The following BMP1 variants were observed in gnomAD, a reference collection of about 807,000 sequenced individuals.
BMP1 encodes bone morphogenetic protein 1, also known as mammalian tolloid protein.
A neutral mutation model predicts 116.8 loss-of-function variants in BMP1; 63 were observed. The ratio of observed to expected loss-of-function variants is 0.54; its 90% confidence interval spans 0.44 to 0.67. The LOEUF is 0.67. Ranked by LOEUF, BMP1 falls within the 30% of genes least tolerant of loss-of-function variation. BMP1 has a pLI of 0.00. For missense variants in BMP1, 1,183 were observed against 1,358.9 expected (o/e 0.87, Z 2.04); for synonymous variants, 536 against 533.4 (o/e 1.00, Z -0.07).
intron 14 of BMP1, 106 bp downstream of exon 14, chr8:22,196,946 C>A: frequency 7.2e-7 from 1 of 1,383,004 alleles, no homozygotes; most frequent in Non-Finnish European, 9.7e-7. Context: ...CAGAAACACT[C>A]TGCAAATATC....
In BMP1 at chr8:22,180,385, C is replaced by T. The variant is rs1828580121; in HGVS notation, c.979C>T (p.Gln327Ter). The T allele has an allele frequency of 6.2e-7, 1 of 1,613,698 alleles. No individual in the cohort carries two copies. The highest frequency in any genetic ancestry group is 1.3e-5 in the African/African-American group (1 of 74,906). Residue 327 changes from glutamine to a stop codon, truncating the protein, a stop_gained, in exon 8 of 20, where the codon CAA (glutamine) becomes TAA (stop). Transcript: ENST00000306385. LOFTEE classifies it high-confidence loss of function. ...CCTCACAGCCTGTGGAGAGACCCTG[C>T]AAGACAGCACAGGCAACTTCTCCTC... ...YKCPACGETL[Q>*]DSTGNFSSPE...
At chr8:22,192,597 C>T (rs1213067847) in intron 9 of BMP1, among the ~76,000 whole-genome samples, 1 of 152,228 alleles carries the variant, frequency 6.6e-6, no homozygotes. Flanking sequence ...GTCATCATAA[C>T]CTGCCAGCCC....
In BMP1 at chr8:22,194,689, A is replaced by G; in HGVS notation, c.1444-35A>G. ...TCCCAGGGGTGGGTCTCTGGCAGCC[A>G]GAGCCCCTTCCACTGATGAAGCCTC... is the stretch of plus-strand genomic sequence containing the variant. On this transcript the variant is annotated intron_variant, in intron 11 of 19. Coordinates refer to ENST00000306385, the MANE Select transcript of BMP1 (RefSeq NM_006129.5). The surrounding 1 kb of genome is among the most constrained non-coding windows in gnomAD (Gnocchi z 4.5). 6.3e-7 allele frequency: 1 copy of G among 1,588,524 alleles called. No individual in the cohort carries two copies. Among genetic ancestry groups the G allele is most frequent in the Non-Finnish European group, 8.6e-7 (1 of 1,165,398 alleles).
In BMP1 at chr8:22,211,869, T is replaced by C; in HGVS notation, c.*141T>C. ...CAGGGCCAATGGCCTGGTGAGACTG[T>C]CCATAGGAGGTGGGGGAACTGGACT... On this transcript the variant is annotated 3_prime_UTR_variant, in exon 20 of 20. Transcript: ENST00000306385. 7.6e-7 allele frequency: 1 copy of C among 1,310,806 alleles called. No homozygotes were observed. The highest frequency in any genetic ancestry group is 1.4e-5 in the South Asian group (1 of 72,512). The allele number at this position is 1,310,806 out of a possible 1,614,324, so 81.2% of individuals were successfully genotyped here.
intron 15 of BMP1, among the ~76,000 whole-genome samples, chr8:22,199,656 G>C (rs749908178): frequency 2.6e-5 from 4 of 152,212 alleles, no homozygotes; most frequent in Non-Finnish European, 4.4e-5. Context: ...TGGAGCGAAG[G>C]CTTTGCTCAG....
intron 8 of BMP1, among the ~76,000 whole-genome samples, chr8:22,185,135 C>T (rs991103258): frequency 1.3e-5 from 2 of 152,066 alleles, no homozygotes; most frequent in Non-Finnish European, 2.9e-5. Context: ...GGAGGAGAAC[C>T]TTTATGAGGA....
At chr8:22,191,626 G>A (rs6997478) in intron 8 of BMP1, among the ~76,000 whole-genome samples, 51 of 152,304 alleles carry the variant, frequency 3.3e-4, no homozygotes, top group African/African-American at 1.2e-3. Flanking sequence ...AAACAAAAAA[G>A]TGATGATTGG....
rs564829709 is a variant in BMP1, at chr8:22,200,096, A to C, written c.2108-1707A>C. Reference sequence around the variant, plus strand: ...ATTCTGGGGGTCCACTGGATCCCTCATCTTCCCTGGCTATGCCTGCTTCTA... The same window carrying C: ...ATTCTGGGGGTCCACTGGATCCCTCCTCTTCCCTGGCTATGCCTGCTTCTA... On this transcript the variant is annotated intron_variant, in intron 15 of 19. Coordinates refer to ENST00000306385, the MANE Select transcript of BMP1 (RefSeq NM_006129.5). Among the ~76,000 whole-genome samples, 3 of 152,324 alleles carry C rather than the reference A, an allele frequency of 2.0e-5. No homozygotes were observed. In the East Asian group the frequency reaches 5.8e-4, roughly 29 times the overall value.
chr8:22,174,798 AATT>A (rs1828385176), intron 2 of BMP1, among the ~76,000 whole-genome samples: 1 of 151,780 alleles, frequency 6.6e-6, no homozygotes, highest in South Asian at 2.1e-4. Flanking sequence ...ACGCCTGGCC[AATT>A]TTTTATATTT....
intron 1 of BMP1, chr8:22,170,797 A>G (rs1828255136): frequency 6.6e-6 from 1 of 152,152 alleles, no homozygotes; most frequent in Admixed American, 6.6e-5. Context: ...TCTACTAAAA[A>G]AAAAATACAA....
chr8:22,167,284 C>G (rs1262046780), intron 1 of BMP1, among the ~76,000 whole-genome samples: 1 of 152,128 alleles, frequency 6.6e-6, no homozygotes, highest in African/African-American at 2.4e-5. Context: ...ACCCTGCCTT[C>G]AAGGAGCTTA....
At chr8:22,203,135 C>T (rs1829294870) in intron 16 of BMP1, among the ~76,000 whole-genome samples, 1 of 152,206 alleles carries the variant, frequency 6.6e-6, no homozygotes, top group Admixed American at 6.5e-5. Flanking sequence ...CCACTGTGGC[C>T]CTTGCCTGCT....
intron 3 of BMP1, 99 bp downstream of exon 3, chr8:22,176,412 C>T (rs1586439432): frequency 1.9e-6 from 3 of 1,543,076 alleles, no homozygotes; most frequent in Admixed American, 3.5e-5. Flanking sequence ...ACCTGCAGCC[C>T]GAGTGCCCAC....
rs111475221 is a variant in BMP1, at chr8:22,179,476, G to A, written c.837-229G>A. Among the ~76,000 whole-genome samples, 420 of 152,300 alleles carry A rather than the reference G, an allele frequency of 2.8e-3. 3 individuals are homozygous for A. Among genetic ancestry groups the A allele is most frequent in the African/African-American group, 9.7e-3 (405 of 41,556 alleles). On this transcript the variant is annotated intron_variant, in intron 6 of 19. Coordinates refer to ENST00000306385, the MANE Select transcript of BMP1 (RefSeq NM_006129.5). The surrounding 1 kb of genome is among the most constrained non-coding windows in gnomAD (Gnocchi z 4.6). ...ACCTGCATCCCTGACCTCCCAAAGT[G>A]TTCCTGGGGCTCCCCCGACTCCTGT...
At position 22,211,692 on chromosome 8, in the gene BMP1, C is replaced by T. The variant is rs1829464545; in HGVS notation, c.2925C>T (p.Ser975=). The T allele has an allele frequency of 6.2e-7, 1 of 1,614,064 alleles. No individual in the cohort carries two copies. Among genetic ancestry groups the T allele is most frequent in the African/African-American group, 1.3e-5 (1 of 74,940 alleles). ...AAGGTTTCCACCTGCGATACACCAG[C>T]ACCAAGTTCCAGGACACACTCCACA... ...TKKGFHLRYT[S]TKFQDTLHSR... is the part of the protein sequence containing the mutation. Residue 975 remains serine (S), a synonymous_variant, in exon 20 of 20, where the codon AGC becomes AGT. Coordinates refer to ENST00000306385, the MANE Select transcript of BMP1 (RefSeq NM_006129.5).
intron 1 of BMP1, among the ~76,000 whole-genome samples, chr8:22,171,861 A>G (rs141712299): frequency 1.4e-3 from 213 of 152,344 alleles, no homozygotes; most frequent in African/African-American, 4.8e-3. Context: ...GCAAGCCAGA[A>G]GAATATCAGC....
chr8:22,173,579 C>G, intron 1 of BMP1, 23 bp from the exon 2 acceptor site: 3 of 1,590,492 alleles, frequency 1.9e-6, no homozygotes, highest in Middle Eastern at 1.8e-4. Flanking sequence ...TAACTCAGCC[C>G]TGGCTTCTTC....
chr8:22,186,942 A>C (rs1007840115), intron 8 of BMP1, among the ~76,000 whole-genome samples: 3 of 152,184 alleles, frequency 2.0e-5, no homozygotes, highest in African/African-American at 7.2e-5. Flanking sequence ...TGTAGTGAGA[A>C]CCCAACCAAT....
chr8:22,201,058 TG>T, intron 15 of BMP1: 2 of 1,146,954 alleles, frequency 1.7e-6, no homozygotes, highest in Non-Finnish European at 2.3e-6. Context: ...TGTCCCTCCC[TG>T]GTCCCTGCCC....
Sources: allele counts gnomAD v4.1 joint callset (sites outside exome capture counted in the v4.1 genomes callset), GRCh38; gene constraint gnomAD v4.1.1; non-coding constraint Gnocchi (gnomAD v3.1); transcripts MANE v1.5; gene names NCBI Gene and HGNC (gene_info 2026-07-23, HGNC 2026-07-21).